TBXT: variants seen among roughly 807,000 people sequenced by gnomAD.
The protein encoded by TBXT is T-box transcription factor T, also known as T brachyury transcription factor.
Under a neutral mutation model 41.1 loss-of-function variants are expected in TBXT, and 19 were observed. The ratio of observed to expected loss-of-function variants is 0.46; its 90% CI spans 0.32 to 0.68. The LOEUF is 0.68. Among genes scored for constraint, TBXT ranks in the 30% least tolerant of loss-of-function variants. The pLI, the probability that TBXT is intolerant of heterozygous loss-of-function variation, is 0.03. For missense variants in TBXT, 536 were observed against 582.0 expected (o/e 0.92, Z 0.81); for synonymous variants, 213 against 238.9 (o/e 0.89, Z 1.00).
chr6:166,163,089 G>A (rs2128522396), intron 5 of TBXT, among the ~76,000 whole-genome samples: 1 of 152,262 alleles, frequency 6.6e-6, no homozygotes, highest in Non-Finnish European at 1.5e-5. Flanking sequence ...GGATTGCTTT[G>A]AGATCTACTA....
chr6:166,164,419 A>T (rs1779050705), intron 5 of TBXT, among the ~76,000 whole-genome samples, 186 bp downstream of exon 5: 1 of 152,194 alleles, frequency 6.6e-6, no homozygotes, highest in African/African-American at 2.4e-5. Flanking sequence ...CCCCGATTAG[A>T]GCAGAGGTTA....
At chr6:166,162,728 G>C (rs1471666899) in intron 5 of TBXT, 105 bp from the exon 6 acceptor site, 1 of 833,452 alleles carries the variant, frequency 1.2e-6, no homozygotes, top group African/African-American at 1.6e-5. Context: ...CCAGAGAGCA[G>C]AGCCCAGGCC....
In TBXT at chr6:166,167,710, G is replaced by T; in HGVS notation, c.-119C>A. 1 of 1,354,162 alleles carries T rather than the reference G, an allele frequency of 7.4e-7. No individual in the cohort carries two copies. The highest frequency in any genetic ancestry group is 1.0e-6 in the Non-Finnish European group (1 of 990,118). The allele number at this position is 1,354,162 out of a possible 1,614,324, so 83.9% of individuals were successfully genotyped here. Reference sequence around the variant, plus strand: ...AAAGGGGCCCCTTGGACCGAGACCTGCGACGGCTCCCGGGTCCCGGGTCCC... The same window carrying T: ...AAAGGGGCCCCTTGGACCGAGACCTTCGACGGCTCCCGGGTCCCGGGTCCC... On this transcript the variant is annotated 5_prime_UTR_variant, in exon 1 of 8. Transcript: ENST00000366876.
At position 166,159,320 on chromosome 6, in the gene TBXT, C is replaced by T. The variant is rs777140307; in HGVS notation, c.1038-732G>A. Among the ~76,000 whole-genome samples the T allele has an allele frequency of 3.3e-5, 5 of 151,998 alleles. No individual in the cohort carries two copies. The East Asian group carries it at 9.6e-4, about 29-fold the overall frequency. ...TATCTAGGACACCCCACCCCCACCA[C>T]CGCAGTGATTCTCACGATGAAGACC... On this transcript the variant is annotated intron_variant, in intron 7 of 7. Coordinates refer to ENST00000366876, the MANE Select transcript of TBXT (RefSeq NM_001366285.2).
chr6:166,165,203 T>C (rs12215587), intron 3 of TBXT, among the ~76,000 whole-genome samples: 12,802 of 152,162 alleles, frequency 0.084, 697 homozygotes, highest in Non-Finnish European at 0.12. Flanking sequence ...TCGGTCAACG[T>C]CAACACCAAC....
At chr6:166,167,996 T>C (rs891496953), upstream of TBXT, 5 of 266,300 alleles carry the variant, frequency 1.9e-5, no homozygotes, top group Middle Eastern at 1.3e-3. Context: ...GCCGGGCGGG[T>C]CTGGGAGGCC....
At chr6:166,163,769 T>A (rs1045428063) in intron 5 of TBXT, among the ~76,000 whole-genome samples, 1 of 152,236 alleles carries the variant, frequency 6.6e-6, no homozygotes, top group African/African-American at 2.4e-5. Context: ...ATTTCCAAAC[T>A]ACTAACAATT....
chr6:166,158,586 T>C lies in TBXT; in HGVS notation c.1040A>G (p.Gln347Arg). ...HNASPPTSSS[Q>R]YPSLWSVSNG... ...GCTCACAGACCACAGGCTGGGGTAC[T>C]GACTGCAACAGAAAGACACCAGTGA... Residue 347 changes from glutamine to arginine, a missense_variant and splice_region_variant, in exon 8 of 8, where the codon CAG becomes CGG. Coordinates refer to ENST00000366876, the MANE Select transcript of TBXT (RefSeq NM_001366285.2). The C allele has an allele frequency of 6.5e-7, 1 of 1,530,400 alleles. No homozygotes were observed. 94.8% of individuals were successfully genotyped at this position (1,530,400 alleles called of 1,614,324 possible). A position where few individuals can be genotyped will look rare whatever the true frequency, so the allele number is the denominator to read the frequency against.
At chr6:166,162,164 A>G (rs1418860037) in intron 6 of TBXT, among the ~76,000 whole-genome samples, 1 of 152,212 alleles carries the variant, frequency 6.6e-6, no homozygotes, top group Non-Finnish European at 1.5e-5. Context: ...TTCTGTGGAG[A>G]GGCCCAGGAA....
In TBXT at chr6:166,157,949, A is replaced by G; in HGVS notation, c.*366T>C. On this transcript the variant is annotated 3_prime_UTR_variant, in exon 8 of 8. Coordinates refer to ENST00000366876, the MANE Select transcript of TBXT (RefSeq NM_001366285.2). Reference sequence around the variant, plus strand: ...TATCTCACTAAAGTAGGACTGGTGGAGTTTACAAATTCTGGTGTGCCAAAG... The same window carrying G: ...TATCTCACTAAAGTAGGACTGGTGGGGTTTACAAATTCTGGTGTGCCAAAG... The G allele has an allele frequency of 2.6e-6, 1 of 378,256 alleles. No individual in the cohort carries two copies. The highest frequency in any genetic ancestry group is 5.0e-6 in the Non-Finnish European group (1 of 200,394). The allele number at this position is 378,256 out of a possible 1,614,324, so 23.4% of individuals were successfully genotyped here. A position where few individuals can be genotyped will look rare whatever the true frequency, so the allele number is the denominator to read the frequency against.
At chr6:166,160,177 A>T (rs1039336172) in intron 7 of TBXT, among the ~76,000 whole-genome samples, 4 of 152,106 alleles carry the variant, frequency 2.6e-5, no homozygotes, top group Admixed American at 1.3e-4. Flanking sequence ...AGGTTTTTAT[A>T]TTCATCCTAT....
At chr6:166,161,942 C>T (rs142541983) in intron 6 of TBXT, among the ~76,000 whole-genome samples, 2 of 152,156 alleles carry the variant, frequency 1.3e-5, no homozygotes, top group African/African-American at 2.4e-5. Flanking sequence ...CACACATTGC[C>T]GGGCCCCACC....
chr6:166,166,937 A>T, intron 1 of TBXT, 81 bp from the exon 2 acceptor site: 2 of 1,603,824 alleles, frequency 1.2e-6, no homozygotes, highest in South Asian at 2.2e-5. Context: ...CAGAGGCCTC[A>T]GTTATTTCGG....
At chr6:166,160,679 C>G (rs796436029) in intron 7 of TBXT, among the ~76,000 whole-genome samples, 158 bp downstream of exon 7, 1 of 152,110 alleles carries the variant, frequency 6.6e-6, no homozygotes, top group Non-Finnish European at 1.5e-5. Context: ...ACCTGCAATC[C>G]CTGGGCATAG....
chr6:166,160,585 G>A (rs76792123), intron 7 of TBXT, among the ~76,000 whole-genome samples: 1,991 of 152,188 alleles, frequency 0.013, 20 homozygotes, highest in Non-Finnish European at 0.021. Flanking sequence ...ATGGGATAGC[G>A]CAGCTCCCAT....
chr6:166,164,355 C>A (rs1313022450), intron 5 of TBXT, among the ~76,000 whole-genome samples: 1 of 152,220 alleles, frequency 6.6e-6, no homozygotes, highest in Non-Finnish European at 1.5e-5. Flanking sequence ...CCACCCCAGG[C>A]ATGGTGGCAG....
chr6:166,166,667 G>T lies in TBXT; in HGVS notation c.396C>A (p.Phe132Leu). Reference sequence around the variant, plus strand: ...CGGGAGCCTTCATCCAGTGGGCCCCGAAGTTGGGCGAGTCGGGGTGGATGT... The same window carrying T: ...CGGGAGCCTTCATCCAGTGGGCCCCTAAGTTGGGCGAGTCGGGGTGGATGT... ...CVYIHPDSPN[F>L]GAHWMKAPVS... Residue 132 changes from phenylalanine to leucine, a missense_variant, in exon 2 of 8, where the codon TTC becomes TTA. Physicochemically the swap from Phe to Leu is conservative, Grantham distance 22 (BLOSUM62 0). Coordinates refer to ENST00000366876, the MANE Select transcript of TBXT (RefSeq NM_001366285.2). 1 of 1,614,104 alleles carries T rather than the reference G, an allele frequency of 6.2e-7. No homozygotes were observed. The highest frequency in any genetic ancestry group is 8.5e-7 in the Non-Finnish European group (1 of 1,180,044).
Position 166,167,372 on chromosome 6 carries a change from G to T in TBXT, c.206+14C>A. ...GGAGAGCGCGGCGCGCGCGGGCTCC[G>T]GACGCGCACCCACCTGCCGTTCTTG... On this transcript the variant is annotated intron_variant, in intron 1 of 7. Transcript: ENST00000366876. 6.2e-7 allele frequency: 1 copy of T among 1,611,976 alleles called. No individual in the cohort carries two copies. Among genetic ancestry groups the T allele is most frequent in the Non-Finnish European group, 8.5e-7 (1 of 1,179,784 alleles).
At chr6:166,160,180 C>T (rs183134515) in intron 7 of TBXT, among the ~76,000 whole-genome samples, 2 of 152,244 alleles carry the variant, frequency 1.3e-5, no homozygotes, top group East Asian at 3.9e-4. Context: ...TTTTTATATT[C>T]ATCCTATGAA....
Sources: allele counts gnomAD v4.1 joint callset (sites outside exome capture counted in the v4.1 genomes callset), GRCh38; gene constraint gnomAD v4.1.1; transcripts MANE v1.5; gene names NCBI Gene and HGNC (gene_info 2026-07-23, HGNC 2026-07-21).